Variants in PDE7B observed in about 807,000 individuals in gnomAD.
PDE7B encodes the protein 3',5'-cyclic-AMP phosphodiesterase 7B.
Under a neutral mutation model 56.2 loss-of-function variants are expected in PDE7B, and 29 were observed. The ratio of observed to expected loss-of-function variants is 0.52; its 90% CI spans 0.38 to 0.70. The LOEUF is 0.70. Ranked by LOEUF, PDE7B falls within the 30% of genes least tolerant of loss-of-function variation. The pLI, the probability that PDE7B is intolerant of heterozygous loss-of-function variation, is 0.00. For missense variants in PDE7B, 490 were observed against 565.0 expected (o/e 0.87, Z 1.35); for synonymous variants, 197 against 196.9 (o/e 1.00, Z 0.00).
At chr6:136,065,346 C>CT (rs1210932722) in intron 2 of PDE7B, among the ~76,000 whole-genome samples, 1 of 152,144 alleles carries the variant, frequency 6.6e-6, no homozygotes, top group Non-Finnish European at 1.5e-5. Context: ...AAATTGTCAT[C>CT]TTTTTTCCTC....
chr6:136,051,305 G>A (rs560775862), intron 2 of PDE7B, among the ~76,000 whole-genome samples: 1 of 152,286 alleles, frequency 6.6e-6, no homozygotes, highest in South Asian at 2.1e-4. Flanking sequence ...CACAAGAAAA[G>A]CTGTAATCAT....
At chr6:136,057,930 T>C (rs1225481499) in intron 2 of PDE7B, among the ~76,000 whole-genome samples, 1 of 151,866 alleles carries the variant, frequency 6.6e-6, no homozygotes, top group South Asian at 2.1e-4. Flanking sequence ...AGAGACGGGG[T>C]TTCACCATGT....
At chr6:136,161,453 C>T (rs1778703113) in intron 8 of PDE7B, among the ~76,000 whole-genome samples, 1 of 152,106 alleles carries the variant, frequency 6.6e-6, no homozygotes, top group Non-Finnish European at 1.5e-5. Flanking sequence ...TAAGAATACA[C>T]AGAGAGTACA....
chr6:136,027,914 G>A (rs534039622), intron 2 of PDE7B, among the ~76,000 whole-genome samples: 253 of 152,226 alleles, frequency 1.7e-3, no homozygotes, highest in Non-Finnish European at 2.9e-3. Context: ...GAGCCACCAC[G>A]CCCAGCCTGT....
At chr6:136,029,829 T>C (rs533159497) in intron 2 of PDE7B, among the ~76,000 whole-genome samples, 2 of 152,184 alleles carry the variant, frequency 1.3e-5, no homozygotes, top group Non-Finnish European at 2.9e-5. Context: ...CCCTTGATTA[T>C]GGTGCAATAA....
chr6:136,131,464 G>T (rs1778115054), intron 3 of PDE7B, among the ~76,000 whole-genome samples: 1 of 149,108 alleles, frequency 6.7e-6, no homozygotes, highest in East Asian at 2.0e-4. Context: ...TAAACACAAG[G>T]CCTGTATGCA....
chr6:135,871,173 G>A (rs1261625243), intron 1 of PDE7B, among the ~76,000 whole-genome samples: 3 of 152,130 alleles, frequency 2.0e-5, no homozygotes, highest in African/African-American at 7.2e-5. Context: ...GTTATATGTG[G>A]CCCCTAATGA....
At chr6:136,178,964 G>C in intron 9 of PDE7B, 33 bp from the exon 10 acceptor site, 1 of 1,612,390 alleles carries the variant, frequency 6.2e-7, no homozygotes, top group Non-Finnish European at 8.5e-7. Context: ...TTTGCTTTGT[G>C]TGTGTTTTTC....
At position 135,851,971 on chromosome 6, in the gene PDE7B, A is replaced by G. The variant is rs766597264; in HGVS notation, c.-28A>G. The G allele has an allele frequency of 3.8e-6, 6 of 1,592,708 alleles. No homozygotes were observed. Among genetic ancestry groups the G allele is most frequent in the Non-Finnish European group, 5.2e-6 (6 of 1,160,714 alleles). ...CCGCTCAGAGATTTCACGGCATTCA[A>G]AGGTCACAGAACTGCCACTATGGTT... On this transcript the variant is annotated 5_prime_UTR_variant, in exon 1 of 13. Transcript: ENST00000308191.
At chr6:135,928,483 T>TTTATATATA (rs1774235140) in intron 1 of PDE7B, among the ~76,000 whole-genome samples, 1 of 96,866 alleles carries the variant, frequency 1.0e-5, no homozygotes, top group Non-Finnish European at 2.1e-5. Flanking sequence ...ATATATATAT[T>TTTATATATA]TATTTATATA....
chr6:135,955,482 A>T (rs987806179), intron 2 of PDE7B, among the ~76,000 whole-genome samples: 4 of 152,162 alleles, frequency 2.6e-5, no homozygotes, highest in East Asian at 3.9e-4. Context: ...GAAAGTCTTT[A>T]TGCCTGGAAA....
At chr6:136,108,453 A>T (rs1313872203) in intron 2 of PDE7B, among the ~76,000 whole-genome samples, 1 of 152,142 alleles carries the variant, frequency 6.6e-6, no homozygotes, top group Non-Finnish European at 1.5e-5. Flanking sequence ...GGAAGCATAA[A>T]AAGACTTTTG....
intron 2 of PDE7B, among the ~76,000 whole-genome samples, chr6:136,013,329 G>GACAAT (rs1257065469): frequency 1.3e-5 from 2 of 152,266 alleles, no homozygotes; most frequent in African/African-American, 4.8e-5. Flanking sequence ...GAAAAACACA[G>GACAAT]GCATGCTGAC....
intron 1 of PDE7B, among the ~76,000 whole-genome samples, chr6:135,943,203 A>G (rs1027266992): frequency 2.6e-5 from 4 of 152,220 alleles, no homozygotes; most frequent in African/African-American, 9.6e-5. Context: ...TTAAATCAGT[A>G]CATTCTTGTG....
intron 5 of PDE7B, among the ~76,000 whole-genome samples, chr6:136,149,407 A>G (rs1160213146): frequency 6.6e-6 from 1 of 152,222 alleles, no homozygotes. Flanking sequence ...GAAACCACAG[A>G]TTAGATTCTT....
chr6:136,119,334 T>C (rs1162522509), intron 3 of PDE7B, among the ~76,000 whole-genome samples: 1 of 152,244 alleles, frequency 6.6e-6, no homozygotes, highest in Non-Finnish European at 1.5e-5. Flanking sequence ...TCTGGTTTTC[T>C]ATTTTTTTCC....
At chr6:136,148,777 T>C (rs1778463396) in intron 4 of PDE7B, among the ~76,000 whole-genome samples, 1 of 152,158 alleles carries the variant, frequency 6.6e-6, no homozygotes. Context: ...GGGCTGGAAG[T>C]CCAGCTATCA....
intron 3 of PDE7B, among the ~76,000 whole-genome samples, chr6:136,117,324 C>A (rs1777850563): frequency 6.6e-6 from 1 of 152,156 alleles, no homozygotes; most frequent in African/African-American, 2.4e-5. Context: ...TCTCTGTGAC[C>A]TCATTAATAA....
intron 2 of PDE7B, among the ~76,000 whole-genome samples, chr6:136,069,655 C>CT: frequency 6.6e-6 from 1 of 152,248 alleles, no homozygotes; most frequent in East Asian, 1.9e-4. Flanking sequence ...TCATTTTCAG[C>CT]TTTTTTAAAC....
Sources: gnomAD v4.1 joint callset for allele counts (sites outside exome capture counted in the v4.1 genomes callset) on GRCh38, gnomAD v4.1.1 for gene constraint, MANE v1.5 for transcripts, NCBI Gene and HGNC (gene_info 2026-07-23, HGNC 2026-07-21) for gene names.